The following NSF variants were observed in gnomAD, a reference collection of about 807,000 sequenced individuals.
The protein encoded by NSF is vesicle-fusing ATPase.
A neutral mutation model predicts 50.3 loss-of-function variants in NSF; 14 were observed. The ratio of observed to expected loss-of-function variants is 0.28; its 90% CI spans 0.18 to 0.44. The LOEUF is 0.44. Ranked by LOEUF, NSF falls within the 20% of genes least tolerant of loss-of-function variation. The pLI is 1.00. For synonymous variants in NSF, 109 were observed against 175.7 expected (o/e 0.62, Z 3.00); for missense variants, 218 against 504.3 (o/e 0.43, Z 5.44).
intron 13 of NSF, among the ~76,000 whole-genome samples, chr17:46,709,497 T>TC (rs1861201841): frequency 6.6e-6 from 1 of 151,948 alleles, no homozygotes; most frequent in Admixed American, 6.6e-5. Flanking sequence ...CCTATAATTT[T>TC]TTTTTTTTTT....
chr17:46,731,458 A>G (rs1428646019), intron 17 of NSF, among the ~76,000 whole-genome samples: 2 of 152,128 alleles, frequency 1.3e-5, no homozygotes, highest in Non-Finnish European at 2.9e-5. Context: ...AAAATACTGA[A>G]TTGTACACTT....
At chr17:46,672,101 A>T (rs1252909902) in intron 8 of NSF, among the ~76,000 whole-genome samples, 1 of 73,898 alleles carries the variant, frequency 1.4e-5, no homozygotes, top group Non-Finnish European at 3.1e-5. Flanking sequence ...TGAATAGTTT[A>T]CAGTCTTATA....
intron 17 of NSF, among the ~76,000 whole-genome samples, chr17:46,729,595 A>G (rs1053310599): frequency 6.6e-6 from 1 of 152,166 alleles, no homozygotes; most frequent in Non-Finnish European, 1.5e-5. Flanking sequence ...GCTGTGTCAC[A>G]AGACATGAGT....
At chr17:46,609,517 C>T (rs1181442338) in intron 1 of NSF, among the ~76,000 whole-genome samples, 1 of 151,174 alleles carries the variant, frequency 6.6e-6, no homozygotes, top group African/African-American at 2.4e-5. Context: ...TTTCTTTTTG[C>T]TTTCCAACAG....
chr17:46,737,956 A>G (rs918090682), intron 17 of NSF, among the ~76,000 whole-genome samples: 3 of 146,222 alleles, frequency 2.1e-5, no homozygotes, highest in African/African-American at 7.5e-5. Context: ...ATTATTAGAG[A>G]TAGGATCTTG....
rs749703543 is a variant in NSF, at chr17:46,726,612, C to G, written c.1825C>G (p.Leu609Val). Residue 609 changes from leucine (L) to valine (V), a missense_variant, in exon 16 of 21, where the codon CTT becomes GTT. This residue lies in a region of NSF where 209 missense variants were observed against 320.9 expected (regional missense o/e 0.65). Transcript: ENST00000398238. ...CVVVDDIERLLDYVPIGPRFS... is the reference protein window; with the variant it reads ...CVVVDDIERLVDYVPIGPRFS... ...GGTTGTGGATGACATTGAGAGATTGCTTGGTGAGTCCTAACTTCTGCTGTT... is the reference window on the plus strand; with the variant it reads ...GGTTGTGGATGACATTGAGAGATTGGTTGGTGAGTCCTAACTTCTGCTGTT... The G allele has an allele frequency of 6.2e-7, 1 of 1,613,310 alleles. No individual in the cohort carries two copies. The highest frequency in any genetic ancestry group is 8.5e-7 in the Non-Finnish European group (1 of 1,179,432).
chr17:46,744,650 T>G (rs2059110128), intron 17 of NSF, among the ~76,000 whole-genome samples: 1 of 152,212 alleles, frequency 6.6e-6, no homozygotes, highest in East Asian at 1.9e-4. Context: ...CCACTTGAAC[T>G]TTTGTTACAA....
intron 9 of NSF, among the ~76,000 whole-genome samples, chr17:46,680,236 C>T (rs1598675487): frequency 6.6e-6 from 1 of 151,040 alleles, no homozygotes; most frequent in East Asian, 1.9e-4. Context: ...TCAAGACTTA[C>T]TAGAAAGCAA....
intron 14 of NSF, among the ~76,000 whole-genome samples, chr17:46,711,479 C>T (rs2058718309): frequency 6.6e-6 from 1 of 152,114 alleles, no homozygotes; most frequent in Admixed American, 6.5e-5. Flanking sequence ...TTCAAGTGTT[C>T]ATTCAGTCTG....
intron 16 of NSF, 51 bp downstream of exon 16, chr17:46,726,666 A>G: frequency 6.8e-7 from 1 of 1,464,990 alleles, no homozygotes; most frequent in Non-Finnish European, 9.6e-7. Context: ...TACAGCTAAT[A>G]TCTCAAAAGT....
chr17:46,699,402 G>GACACACACACACACACACAC (rs4061825), intron 12 of NSF, among the ~76,000 whole-genome samples: 1 of 148,216 alleles, frequency 6.7e-6, no homozygotes, highest in African/African-American at 2.5e-5. Flanking sequence ...ATAAACTGAG[G>GACACACACACACACACACAC]ACACACACAC....
chr17:46,753,553 A>G (rs1213280683), intron 19 of NSF, among the ~76,000 whole-genome samples: 1 of 152,140 alleles, frequency 6.6e-6, no homozygotes, highest in Non-Finnish European at 1.5e-5. Context: ...TCTTTCCTTG[A>G]AAAAAAGATA....
At chr17:46,746,658 G>A (rs563851505) in intron 17 of NSF, among the ~76,000 whole-genome samples, 1 of 152,172 alleles carries the variant, frequency 6.6e-6, no homozygotes, top group Admixed American at 6.5e-5. Context: ...AACTTTTTTA[G>A]TAATGTGTTT....
intron 15 of NSF, among the ~76,000 whole-genome samples, chr17:46,714,605 C>T (rs1207005206): frequency 6.6e-6 from 1 of 152,122 alleles, no homozygotes; most frequent in Non-Finnish European, 1.5e-5. Flanking sequence ...ACCATTTGGT[C>T]CATCTCTCTT....
intron 17 of NSF, among the ~76,000 whole-genome samples, chr17:46,735,772 C>T (rs370213923): frequency 1.3e-5 from 2 of 152,008 alleles, no homozygotes; most frequent in African/African-American, 2.4e-5. Context: ...TAGTGAAACC[C>T]GATCTCTACT....
rs1568065820 is a variant in NSF, at chr17:46,756,393, C to T, written c.*570C>T. 6.6e-6 allele frequency: 1 copy of T among 152,222 alleles called. No homozygotes were observed. The highest frequency in any genetic ancestry group is 1.9e-4 in the East Asian group (1 of 5,192). 9.4% of individuals were successfully genotyped at this position (152,222 alleles called of 1,614,324 possible). A position where few individuals can be genotyped will look rare whatever the true frequency, so the allele number is the denominator to read the frequency against. On this transcript the variant is annotated 3_prime_UTR_variant, in exon 21 of 21. Coordinates refer to ENST00000398238, the MANE Select transcript of NSF (RefSeq NM_006178.4). ...CATTGAATCTCTAAAATGCTGTTCT[C>T]AATCATTGTCAGAGATGTTTTCAAG...
Position 46,755,301 on chromosome 17 carries a change from C to G in NSF, c.2158-13C>G. ...TACCATTAACCCATCTTCATTTCTT[C>G]TGATGTATTTAGATGGATCCTGAAT... On this transcript the variant is annotated splice_polypyrimidine_tract_variant and intron_variant, in intron 19 of 20. Coordinates refer to ENST00000398238, the MANE Select transcript of NSF (RefSeq NM_006178.4). The G allele has an allele frequency of 1.9e-6, 3 of 1,608,418 alleles. No homozygotes were observed. The highest frequency in any genetic ancestry group is 2.6e-6 in the Non-Finnish European group (3 of 1,174,748).
chr17:46,750,367 T>TA (rs1465889148), intron 18 of NSF, among the ~76,000 whole-genome samples: 4 of 152,074 alleles, frequency 2.6e-5, no homozygotes, highest in African/African-American at 9.7e-5. Flanking sequence ...AAAAAATGCC[T>TA]AGGACCAGAA....
At chr17:46,731,028 C>T (rs2058943512) in intron 17 of NSF, among the ~76,000 whole-genome samples, 1 of 152,072 alleles carries the variant, frequency 6.6e-6, no homozygotes, top group South Asian at 2.1e-4. Flanking sequence ...ACCAAGTATA[C>T]ACCTACAAGC....
Sources: allele counts gnomAD v4.1 joint callset (sites outside exome capture counted in the v4.1 genomes callset), GRCh38; gene constraint gnomAD v4.1.1; regional missense constraint gnomAD v4.1.1; transcripts MANE v1.5; gene names NCBI Gene and HGNC (gene_info 2026-07-23, HGNC 2026-07-21).